Variants in DDX19B observed in about 807,000 individuals in gnomAD.
DDX19B encodes DEAD-box helicase 19B.
In DDX19B, 27 loss-of-function variants were observed where a neutral mutation model predicts 58.1. The ratio of observed to expected loss-of-function variants is 0.46; its 90% CI spans 0.34 to 0.64. DDX19B has a LOEUF of 0.64. Among genes scored for constraint, DDX19B ranks in the 30% least tolerant of loss-of-function variants. DDX19B has a pLI of 0.01. For synonymous variants in DDX19B, 187 were observed against 214.4 expected (o/e 0.87, Z 1.12); for missense variants, 399 against 596.5 (o/e 0.67, Z 3.45).
intron 1 of DDX19B, among the ~76,000 whole-genome samples, chr16:70,311,460 TGCTAC>T (rs574574209): frequency 8.7e-4 from 132 of 152,162 alleles, no homozygotes; most frequent in South Asian, 2.5e-3. Context: ...AATAGAAATA[TGCTAC>T]TCTGGGCACA....
rs142763170 is a variant in DDX19B at position 70,318,765 on chromosome 16, C to T, written c.389+1177C>T. ...GAGCTGAGATCATGCCATTGCACTC[C>T]AGCCTGGGCAACAAAAGCAAAACTC... On this transcript the variant is annotated intron_variant, in intron 5 of 11. Transcript: ENST00000288071. 1.5e-3 allele frequency among the ~76,000 whole-genome samples: 215 copies of T among 145,882 alleles called. 3 individuals carry two copies. Among genetic ancestry groups the T allele is most frequent in the African/African-American group, 5.2e-3 (202 of 39,122 alleles).
In DDX19B at chr16:70,333,038, C is replaced by T. The variant is rs1186325468; in HGVS notation, c.1257C>T (p.Asp419=). Reference sequence around the variant, plus strand: ...CCGTGGACAAGGACGGGAATCCTGACAATGAGACCTACCTGCACCGGATCG... The same window carrying T: ...CCGTGGACAAGGACGGGAATCCTGATAATGAGACCTACCTGCACCGGATCG... ...DLPVDKDGNP[D]NETYLHRIGR... Residue 419 remains aspartate, a synonymous_variant, in exon 11 of 12, where the codon GAC becomes GAT. Coordinates refer to ENST00000288071, the MANE Select transcript of DDX19B (RefSeq NM_007242.7). 2 of 1,612,912 alleles carry T rather than the reference C, an allele frequency of 1.2e-6. No individual in the cohort carries two copies. Among genetic ancestry groups the T allele is most frequent in the Non-Finnish European group, 1.7e-6 (2 of 1,179,656 alleles).
At chr16:70,316,234 G>A (rs1962398292) in intron 4 of DDX19B, 130 bp downstream of exon 4, 2 of 1,315,082 alleles carry the variant, frequency 1.5e-6, no homozygotes, top group South Asian at 3.1e-5. Flanking sequence ...TTTCGAGACA[G>A]AGTCTCACTC....
intron 10 of DDX19B, among the ~76,000 whole-genome samples, chr16:70,332,694 T>C (rs72790628): frequency 1.1e-4 from 16 of 152,240 alleles, no homozygotes; most frequent in Non-Finnish European, 1.8e-4. Context: ...TCTCTCTGTC[T>C]CCAACTCTCA....
upstream of DDX19B, among the ~76,000 whole-genome samples, chr16:70,298,164 T>C (rs572673708): frequency 6.6e-5 from 10 of 152,058 alleles, no homozygotes; most frequent in Admixed American, 2.0e-4. Flanking sequence ...TCCCAGCACT[T>C]TGGGAGGCCA....
At chr16:70,295,778 C>A (rs1191059376), upstream of DDX19B, among the ~76,000 whole-genome samples, 1 of 151,948 alleles carries the variant, frequency 6.6e-6, no homozygotes, top group South Asian at 2.1e-4. Context: ...GGCAGGTGAA[C>A]CTCTTGAACT....
chr16:70,300,214 T>TG (rs1358695233), intron 1 of DDX19B, among the ~76,000 whole-genome samples: 3 of 151,956 alleles, frequency 2.0e-5, no homozygotes, highest in Non-Finnish European at 2.9e-5. Flanking sequence ...CAACTCCTTT[T>TG]TTTTTTTTGG....
chr16:70,332,305 T>G (rs532832282), intron 10 of DDX19B, among the ~76,000 whole-genome samples: 1 of 152,250 alleles, frequency 6.6e-6, no homozygotes, highest in South Asian at 2.1e-4. Flanking sequence ...CCAAATGTAT[T>G]TATTTATTTT....
At chr16:70,315,731 A>T in intron 3 of DDX19B, 1 of 440,680 alleles carries the variant, frequency 2.3e-6, no homozygotes, top group South Asian at 4.7e-5. Context: ...AGATAACTGC[A>T]GGAAAAGAGG....
rs538645703 is a variant in DDX19B, at chr16:70,319,554, T to C, written c.389+1966T>C. 2.0e-5 allele frequency: 3 copies of C among 149,866 alleles called. No homozygotes were observed. The East Asian group carries it at 5.9e-4, about 29-fold the overall frequency. The allele number at this position is 149,866 out of a possible 1,614,324, so 9.3% of individuals were successfully genotyped here. Reference sequence around the variant, plus strand: ...TTATATGATTATATACAATTCTGCATATAATGCTAAATTCTGAATCTCTTT... The same window carrying C: ...TTATATGATTATATACAATTCTGCACATAATGCTAAATTCTGAATCTCTTT... On this transcript the variant is annotated intron_variant, in intron 5 of 11. Coordinates refer to ENST00000288071, the MANE Select transcript of DDX19B (RefSeq NM_007242.7).
At chr16:70,324,521 T>G (rs1020550115) in intron 5 of DDX19B, 64 bp from the exon 6 acceptor site, 14 of 1,469,922 alleles carry the variant, frequency 9.5e-6, no homozygotes, top group Non-Finnish European at 1.2e-5. Flanking sequence ...AATACTCATT[T>G]TTTTAAACTT....
intron 1 of DDX19B, among the ~76,000 whole-genome samples, chr16:70,302,168 G>A (rs1265983383): frequency 6.6e-6 from 1 of 152,088 alleles, no homozygotes; most frequent in African/African-American, 2.4e-5. Context: ...TGATCCGCAT[G>A]CCTCAGCCTC....
chr16:70,333,412 T>C lies in DDX19B; in HGVS notation c.1379-109T>C. On this transcript the variant is annotated intron_variant, in intron 11 of 11. Transcript: ENST00000288071. The stretch of plus-strand genomic sequence containing the variant: ...TGCTGTCAGTGACTAGGGGCCCTGC[T>C]GCCCCCTGCTTAGGCACCCGGAGCC... 4 of 1,498,958 alleles carry C rather than the reference T, an allele frequency of 2.7e-6. No homozygotes were observed. In the South Asian group the frequency reaches 4.6e-5, roughly 17 times the overall value. 92.9% of individuals were successfully genotyped at this position (1,498,958 alleles called of 1,614,324 possible). A position where few individuals can be genotyped will look rare whatever the true frequency, so the allele number is the denominator to read the frequency against.
chr16:70,315,097 C>T (rs1567629235), intron 3 of DDX19B, 142 bp downstream of exon 3: 2 of 821,814 alleles, frequency 2.4e-6, no homozygotes, highest in South Asian at 3.2e-5. Flanking sequence ...AATATAGGGG[C>T]CGGGCACGGT....
intron 7 of DDX19B, among the ~76,000 whole-genome samples, chr16:70,327,242 T>A (rs12930408): frequency 3.3e-5 from 5 of 151,844 alleles, no homozygotes; most frequent in Non-Finnish European, 7.4e-5. Context: ...TTTCTAAAAA[T>A]TTTTTTTGTA....
chr16:70,320,946 G>A (rs900970958), intron 5 of DDX19B, among the ~76,000 whole-genome samples: 1 of 149,776 alleles, frequency 6.7e-6, no homozygotes, highest in Non-Finnish European at 1.5e-5. Flanking sequence ...ACAGGTATGA[G>A]GCACCACACT....
chr16:70,330,952 G>T (rs898792775), intron 9 of DDX19B, among the ~76,000 whole-genome samples: 1 of 152,136 alleles, frequency 6.6e-6, no homozygotes, highest in Non-Finnish European at 1.5e-5. Context: ...GGCTCAGATG[G>T]GAGGATTGAT....
intron 1 of DDX19B, among the ~76,000 whole-genome samples, chr16:70,303,472 C>T (rs1961575712): frequency 6.6e-6 from 1 of 152,068 alleles, no homozygotes; most frequent in East Asian, 1.9e-4. Context: ...CATATATTCT[C>T]TCAAACTACA....
intron 2 of DDX19B, among the ~76,000 whole-genome samples, chr16:70,313,163 C>T (rs1035149275): frequency 6.7e-6 from 1 of 149,946 alleles, no homozygotes; most frequent in Non-Finnish European, 1.5e-5. Flanking sequence ...GGACTACAGG[C>T]ACCTGCCACC....
Sources: allele counts gnomAD v4.1 joint callset (sites outside exome capture counted in the v4.1 genomes callset), GRCh38; gene constraint gnomAD v4.1.1; transcripts MANE v1.5; gene names NCBI Gene and HGNC (gene_info 2026-07-23, HGNC 2026-07-21).